The following PCDHA13 variants were observed in gnomAD, a reference collection of about 807,000 sequenced individuals.
PCDHA13 encodes the protein protocadherin alpha-13.
In PCDHA13, 54 loss-of-function variants were observed where a neutral mutation model predicts 64.8. The observed-to-expected ratio is 0.83, with a 90% confidence interval of 0.67 to 1.04. The LOEUF (loss-of-function observed/expected upper bound fraction) is 1.04, where lower values mean the gene tolerates loss of function less well. PCDHA13 is among the 50% of genes least tolerant of loss of function. PCDHA13 has a pLI of 0.00. For missense variants in PCDHA13, 1,248 were observed against 1,254.3 expected, an observed-to-expected ratio of 0.99 and a Z score of 0.08; for synonymous variants, 587 against 564.4, an observed-to-expected ratio of 1.04 and a Z score of -0.57.
At chr5:140,998,130 A>C (rs1226238554) in intron 3 of PCDHA13, among the ~76,000 whole-genome samples, 1 of 152,206 alleles carries the variant, frequency 6.6e-6, no homozygotes, top group Non-Finnish European at 1.5e-5. Context: ...GAATCATAAT[A>C]GCTAACCTGT....
intron 1 of PCDHA13, among the ~76,000 whole-genome samples, chr5:140,964,650 TG>T (rs1554227136): frequency 6.6e-6 from 1 of 151,800 alleles, no homozygotes; most frequent in Non-Finnish European, 1.5e-5. Flanking sequence ...AAACAAGTAA[TG>T]GGTGAGGACA....
At chr5:141,003,173 G>A (rs782452600) in intron 3 of PCDHA13, among the ~76,000 whole-genome samples, 6 of 152,174 alleles carry the variant, frequency 3.9e-5, no homozygotes, top group Non-Finnish European at 5.9e-5. Context: ...AGTCCCTGAG[G>A]CTCAACTCCA....
chr5:140,895,044 C>T (rs964599264), intron 1 of PCDHA13, among the ~76,000 whole-genome samples: 24 of 152,112 alleles, frequency 1.6e-4, no homozygotes, highest in Non-Finnish European at 2.2e-4. Flanking sequence ...CCACCCACAC[C>T]ATTCTGCTTC....
At chr5:140,927,040 A>G in intron 1 of PCDHA13, 1 of 1,612,350 alleles carries the variant, frequency 6.2e-7, no homozygotes, top group Non-Finnish European at 8.5e-7. Context: ...AGCGGCCGCT[A>G]TGTCCTCGCG....
chr5:140,957,446 C>T (rs1357499949), intron 1 of PCDHA13, among the ~76,000 whole-genome samples: 2 of 152,216 alleles, frequency 1.3e-5, no homozygotes, highest in East Asian at 1.9e-4. Context: ...TTATAAATCA[C>T]ACTTTATCAT....
intron 1 of PCDHA13, among the ~76,000 whole-genome samples, chr5:140,924,244 C>T (rs1375839311): frequency 6.6e-6 from 1 of 152,152 alleles, no homozygotes; most frequent in East Asian, 1.9e-4. Flanking sequence ...TGTTTTGCAT[C>T]CTGGTGAGAT....
At chr5:141,000,743 T>TA (rs527867626) in intron 3 of PCDHA13, among the ~76,000 whole-genome samples, 4,963 of 145,376 alleles carry the variant, frequency 0.034, 280 homozygotes, top group African/African-American at 0.12. Flanking sequence ...CTCTGTATAT[T>TA]AAAAAAAAAA....
At chr5:140,956,156 T>C (rs1467785699) in intron 1 of PCDHA13, among the ~76,000 whole-genome samples, 1 of 152,204 alleles carries the variant, frequency 6.6e-6, no homozygotes, top group Non-Finnish European at 1.5e-5. Flanking sequence ...TCTTTCCTAA[T>C]TGCCATAGCC....
At chr5:140,902,669 T>C (rs767769713) in intron 1 of PCDHA13, among the ~76,000 whole-genome samples, 1 of 152,166 alleles carries the variant, frequency 6.6e-6, no homozygotes, top group Non-Finnish European at 1.5e-5. Flanking sequence ...ACCCAAGCAG[T>C]GTACACCGTA....
At chr5:140,956,724 C>T (rs2095305540) in intron 1 of PCDHA13, among the ~76,000 whole-genome samples, 1 of 152,176 alleles carries the variant, frequency 6.6e-6, no homozygotes, top group South Asian at 2.1e-4. Flanking sequence ...AGAATTGGTA[C>T]CAGCTCCTCT....
intron 1 of PCDHA13, among the ~76,000 whole-genome samples, chr5:140,917,333 G>GC (rs1401985588): frequency 2.7e-5 from 4 of 148,632 alleles, no homozygotes; most frequent in African/African-American, 7.4e-5. Flanking sequence ...GCGGGGGAGG[G>GC]GGGGGATGGT....
intron 3 of PCDHA13, among the ~76,000 whole-genome samples, chr5:140,988,221 T>A (rs1554249982): frequency 6.6e-6 from 1 of 152,016 alleles, no homozygotes; most frequent in Non-Finnish European, 1.5e-5. Context: ...AAAAATGAGA[T>A]CAGGGATCTA....
intron 1 of PCDHA13, among the ~76,000 whole-genome samples, chr5:140,907,687 G>A (rs1554193091): frequency 6.6e-6 from 1 of 152,220 alleles, no homozygotes; most frequent in East Asian, 1.9e-4. Context: ...GCCTTGGTGA[G>A]TGGAAGTCCC....
intron 1 of PCDHA13, among the ~76,000 whole-genome samples, chr5:140,955,517 C>T (rs1554221970): frequency 6.6e-6 from 1 of 152,154 alleles, no homozygotes; most frequent in African/African-American, 2.4e-5. Flanking sequence ...TGTTTGCTTT[C>T]CCTTCCACCA....
chr5:140,957,188 C>A (rs374236292), intron 1 of PCDHA13, among the ~76,000 whole-genome samples: 1 of 151,992 alleles, frequency 6.6e-6, no homozygotes, highest in Middle Eastern at 3.4e-3. Flanking sequence ...TATTGATGAC[C>A]GATTGGGAAT....
Position 140,897,056 on chromosome 5 carries a change from T to C in PCDHA13, c.2394+12394T>C, listed in dbSNP as rs147544543. Among the ~76,000 whole-genome samples the C allele has an allele frequency of 2.6e-3, 395 of 152,288 alleles. 2 individuals carry two copies. The highest frequency in any genetic ancestry group is 9.2e-3 in the African/African-American group (384 of 41,556). ...ATAGTCACCCTATTCTGCTGTCAAA[T>C]ACTATGTCTTATTCATTTTTTCTAT... On this transcript the variant is annotated intron_variant, in intron 1 of 3. Coordinates refer to ENST00000289272, the MANE Select transcript of PCDHA13 (RefSeq NM_018904.3).
chr5:140,979,076 C>T, intron 2 of PCDHA13, 69 bp downstream of exon 2: 1 of 1,584,068 alleles, frequency 6.3e-7, no homozygotes, highest in Non-Finnish European at 8.6e-7. Flanking sequence ...AACTGCATCT[C>T]CATAGGCCAG....
In PCDHA13 at chr5:140,883,280, G is replaced by T. The variant is rs2059527753; in HGVS notation, c.1012G>T (p.Val338Leu). The T allele has an allele frequency of 6.2e-7, 1 of 1,613,990 alleles. No individual in the cohort carries two copies. Among genetic ancestry groups the T allele is most frequent in the Non-Finnish European group, 8.5e-7 (1 of 1,180,028 alleles). The stretch of plus-strand genomic sequence containing the variant: ...AATGGCGGGTCATTGTACCCTTTTG[G>T]TGGAAGTACTAGATGTAAATGATAA... The part of the protein sequence containing the change: ...IPMAGHCTLL[V>L]EVLDVNDNAP... The change falls in exon 1 of 4, where the codon GTG (valine) becomes TTG (leucine). Residue 338 changes from valine to leucine, a missense_variant. Transcript: ENST00000289272.
intron 3 of PCDHA13, among the ~76,000 whole-genome samples, chr5:140,992,421 A>C (rs1412648457): frequency 6.6e-6 from 1 of 152,164 alleles, no homozygotes; most frequent in African/African-American, 2.4e-5. Flanking sequence ...CAGGTCTAAG[A>C]ATATTGTTCC....
Sources: gnomAD v4.1 joint callset for allele counts (sites outside exome capture counted in the v4.1 genomes callset) on GRCh38, gnomAD v4.1.1 for gene constraint, MANE v1.5 for transcripts, NCBI Gene and HGNC (gene_info 2026-07-23, HGNC 2026-07-21) for gene names.